NTRK2: variants seen among roughly 807,000 people sequenced by gnomAD.
NTRK2 encodes BDNF/NT-3 growth factors receptor.
NTRK2 carries 13 observed loss-of-function variants against 94.5 expected under a neutral mutation model. The ratio of observed to expected loss-of-function variants is 0.14; its 90% confidence interval spans 0.09 to 0.22. The LOEUF (loss-of-function observed/expected upper bound fraction) is 0.22. NTRK2 is among the 10% of genes least tolerant of loss of function. NTRK2 has a pLI of 1.00. For missense variants in NTRK2, 639 were observed against 1,071.2 expected, an observed-to-expected ratio of 0.60 and a Z score of 5.63; for synonymous variants, 372 against 407.4, an observed-to-expected ratio of 0.91 and a Z score of 1.05.
chr9:84,858,358 T>C (rs1017843549), intron 12 of NTRK2, among the ~76,000 whole-genome samples: 1 of 152,174 alleles, frequency 6.6e-6, no homozygotes, highest in Non-Finnish European at 1.5e-5. Flanking sequence ...TGTTGTTTTT[T>C]TGCCTAACTG....
chr9:84,924,290 A>T (rs1447397881), intron 14 of NTRK2, among the ~76,000 whole-genome samples: 1 of 146,354 alleles, frequency 6.8e-6, no homozygotes, highest in Non-Finnish European at 1.5e-5. Context: ...AAAGAAAGAA[A>T]GAAAGAGGAA....
At chr9:84,737,041 T>C (rs1246242963) in intron 9 of NTRK2, among the ~76,000 whole-genome samples, 1 of 152,244 alleles carries the variant, frequency 6.6e-6, no homozygotes, top group African/African-American at 2.4e-5. Flanking sequence ...ATGGAATTCT[T>C]TGAAATATTT....
intron 15 of NTRK2, among the ~76,000 whole-genome samples, chr9:84,938,525 T>C (rs1277536055): frequency 6.6e-6 from 1 of 152,162 alleles, no homozygotes; most frequent in Non-Finnish European, 1.5e-5. Context: ...CTTTATAGCA[T>C]TTGTCAATAT....
chr9:84,699,197 T>G (rs901109064), intron 2 of NTRK2, among the ~76,000 whole-genome samples: 1 of 151,982 alleles, frequency 6.6e-6, no homozygotes, highest in Non-Finnish European at 1.5e-5. Flanking sequence ...CCACCACGCC[T>G]GGCTAATTTT....
chr9:84,930,669 G>A lies in NTRK2; in HGVS notation c.1634-3493G>A, dbSNP rs542664988. Among the ~76,000 whole-genome samples the A allele has an allele frequency of 1.8e-3, 267 of 152,324 alleles. 1 individual carries two copies. The highest frequency in any genetic ancestry group is 6.2e-3 in the African/African-American group (256 of 41,586). ...GAGCTTGTGGAGTCACAGGCAGTGA[G>A]CTCAGAGTACACCGTGGAGGGGTGT... On this transcript the variant is annotated intron_variant, in intron 14 of 18. Transcript: ENST00000277120.
At chr9:84,701,327 A>G (rs920320875) in intron 2 of NTRK2, among the ~76,000 whole-genome samples, 4 of 152,170 alleles carry the variant, frequency 2.6e-5, no homozygotes, top group Non-Finnish European at 5.9e-5. Context: ...AAATTTCCCC[A>G]TGGAAGCCCC....
intron 10 of NTRK2, 128 bp downstream of exon 10, chr9:84,742,055 TA>T: frequency 1.2e-6 from 1 of 802,524 alleles, no homozygotes; most frequent in South Asian, 1.6e-5. Flanking sequence ...TAGGCCAAAA[TA>T]GTATTTCAAA....
At chr9:84,676,861 G>A (rs1246702572) in intron 2 of NTRK2, among the ~76,000 whole-genome samples, 1 of 152,188 alleles carries the variant, frequency 6.6e-6, no homozygotes. Context: ...CTCTGTGAGA[G>A]ACCAAGTAAT....
At chr9:84,955,609 T>C (rs1346531856) in intron 17 of NTRK2, 92 bp downstream of exon 17, 2 of 1,064,758 alleles carry the variant, frequency 1.9e-6, no homozygotes, top group Non-Finnish European at 2.8e-6. Context: ...TAACAAAATA[T>C]CATGACTGGG....
At chr9:84,750,389 A>G (rs371305024) in intron 11 of NTRK2, among the ~76,000 whole-genome samples, 3 of 152,358 alleles carry the variant, frequency 2.0e-5, no homozygotes, top group Non-Finnish European at 2.9e-5. Flanking sequence ...AAGCCAGGAA[A>G]TGTATCCTAC....
At chr9:84,885,071 A>G (rs1340048278) in intron 14 of NTRK2, among the ~76,000 whole-genome samples, 2 of 152,260 alleles carry the variant, frequency 1.3e-5, no homozygotes, top group Non-Finnish European at 2.9e-5. Flanking sequence ...AGGGCTGTAG[A>G]AAGAAGTAGG....
At chr9:84,957,405 C>T (rs1824273575) in intron 17 of NTRK2, among the ~76,000 whole-genome samples, 1 of 152,146 alleles carries the variant, frequency 6.6e-6, no homozygotes. Flanking sequence ...AAAATCTCAA[C>T]AATAAAAAGA....
At chr9:84,724,117 A>G in intron 7 of NTRK2, 107 bp from the exon 8 acceptor site, 1 of 1,168,354 alleles carries the variant, frequency 8.6e-7, no homozygotes, top group South Asian at 1.3e-5. Context: ...AAGCTTTTCT[A>G]ATGCTATATA....
At chr9:84,707,173 T>G (rs1324478009) in intron 4 of NTRK2, among the ~76,000 whole-genome samples, 8 of 152,208 alleles carry the variant, frequency 5.3e-5, no homozygotes, top group Admixed American at 4.6e-4. Flanking sequence ...TATTATTTTT[T>G]TTAGTCACAA....
chr9:84,909,177 A>G (rs1164942454), intron 14 of NTRK2, among the ~76,000 whole-genome samples: 1 of 152,140 alleles, frequency 6.6e-6, no homozygotes, highest in Non-Finnish European at 1.5e-5. Flanking sequence ...TTCAGGATGT[A>G]AACTTTTGGA....
At chr9:84,696,602 G>A (rs2060392340) in intron 2 of NTRK2, among the ~76,000 whole-genome samples, 1 of 152,192 alleles carries the variant, frequency 6.6e-6, no homozygotes, top group African/African-American at 2.4e-5. Context: ...TGAGGAGCTA[G>A]CAATTCAGTT....
chr9:84,841,894 C>G (rs1587626551), intron 12 of NTRK2, among the ~76,000 whole-genome samples: 1 of 152,188 alleles, frequency 6.6e-6, no homozygotes, highest in South Asian at 2.1e-4. Context: ...GAATGAACAT[C>G]CCAGGTTGAA....
chr9:84,950,630 A>G (rs2078748115), intron 16 of NTRK2, among the ~76,000 whole-genome samples: 1 of 152,048 alleles, frequency 6.6e-6, no homozygotes, highest in Admixed American at 6.6e-5. Flanking sequence ...TCATTTTGGA[A>G]AGATTAGCAA....
chr9:84,671,040 A>T, intron 2 of NTRK2, 80 bp downstream of exon 2: 1 of 1,317,538 alleles, frequency 7.6e-7, no homozygotes, highest in Non-Finnish European at 1.1e-6. Context: ...CCTGGAAGTG[A>T]ATGCTGTCCC....
Sources: allele counts gnomAD v4.1 joint callset (sites outside exome capture counted in the v4.1 genomes callset), GRCh38; gene constraint gnomAD v4.1.1; transcripts MANE v1.5; gene names NCBI Gene and HGNC (gene_info 2026-07-23, HGNC 2026-07-21).